MEGF11: variants seen among roughly 807,000 people sequenced by gnomAD.
The protein encoded by MEGF11 is multiple EGF like domains 11.
Under a neutral mutation model 146.6 loss-of-function variants are expected in MEGF11, and 126 were observed. That is an observed-to-expected ratio of 0.86 (90% confidence interval 0.74 to 1.00). The LOEUF is 1.00. MEGF11 is among the 50% of genes least tolerant of loss of function. The probability of loss-of-function intolerance (pLI) is 0.00; values close to 1 mark genes in which losing one functional copy is unlikely to be tolerated. For synonymous variants in MEGF11, 532 were observed against 583.4 expected (o/e 0.91, Z 1.27); for missense variants, 1,509 against 1,521.2 (o/e 0.99, Z 0.13).
At chr15:66,163,950 G>A (rs2090028087) in intron 1 of MEGF11, among the ~76,000 whole-genome samples, 1 of 152,162 alleles carries the variant, frequency 6.6e-6, no homozygotes, top group African/African-American at 2.4e-5. Flanking sequence ...GAAGAAGCAG[G>A]CCTAAATGTA....
chr15:65,959,804 G>A (rs1489587638), intron 9 of MEGF11, among the ~76,000 whole-genome samples: 1 of 152,178 alleles, frequency 6.6e-6, no homozygotes, highest in African/African-American at 2.4e-5. Context: ...AGGTATTTGA[G>A]CCTGTATTTC....
intron 1 of MEGF11, among the ~76,000 whole-genome samples, chr15:66,219,764 C>G (rs1477235116): frequency 6.6e-6 from 1 of 151,952 alleles, no homozygotes; most frequent in Non-Finnish European, 1.5e-5. Flanking sequence ...AGCATTTATC[C>G]CAGAGATAAT....
chr15:66,074,292 T>C (rs1371033618), intron 5 of MEGF11, among the ~76,000 whole-genome samples: 1 of 152,246 alleles, frequency 6.6e-6, no homozygotes, highest in Non-Finnish European at 1.5e-5. Context: ...CCTCTGCAAC[T>C]TGCTTTTTTC....
chr15:66,053,823 G>A (rs1287418458), intron 5 of MEGF11, among the ~76,000 whole-genome samples: 1 of 148,732 alleles, frequency 6.7e-6, no homozygotes, highest in African/African-American at 2.5e-5. Flanking sequence ...AACCTCCCTG[G>A]GCTCAGGTGA....
intron 10 of MEGF11, among the ~76,000 whole-genome samples, chr15:65,933,611 G>C (rs1596863293): frequency 6.6e-6 from 1 of 152,214 alleles, no homozygotes. Flanking sequence ...GGCTGAGATG[G>C]CTTTCTGCTT....
At position 66,185,672 on chromosome 15, in the gene MEGF11, G is replaced by A. The variant is rs1048572110; in HGVS notation, c.-8-57261C>T. Among the ~76,000 whole-genome samples the A allele has an allele frequency of 3.9e-5, 6 of 152,282 alleles. No individual in the cohort carries two copies. The East Asian group carries it at 5.8e-4, about 15-fold the overall frequency. ...ACCCCAAAGTGTGGGGAGGTGGTAG[G>A]GGAGGTGTCAGGCAGCAGCGACATC... On this transcript the variant is annotated intron_variant, in intron 1 of 25. Coordinates refer to ENST00000395614, the MANE Select transcript of MEGF11 (RefSeq NM_001385028.1).
At chr15:66,031,818 G>A (rs551917587) in intron 5 of MEGF11, among the ~76,000 whole-genome samples, 15 of 152,308 alleles carry the variant, frequency 9.8e-5, no homozygotes, top group African/African-American at 2.9e-4. Context: ...CTCTGCCCTC[G>A]TGAATGGATT....
At chr15:66,134,771 G>A (rs1293082781) in intron 1 of MEGF11, among the ~76,000 whole-genome samples, 5 of 152,282 alleles carry the variant, frequency 3.3e-5, no homozygotes, top group African/African-American at 9.6e-5. Flanking sequence ...AGCCTCTCAC[G>A]GGAGCTGAGC....
At chr15:66,137,247 CA>C (rs1423538775) in intron 1 of MEGF11, among the ~76,000 whole-genome samples, 3 of 152,266 alleles carry the variant, frequency 2.0e-5, no homozygotes, top group African/African-American at 7.2e-5. Context: ...CTTTCTAAGT[CA>C]AACATTTTTG....
Position 65,929,779 on chromosome 15 carries a change from C to T in MEGF11, c.1513G>A (p.Asp505Asn). 1.3e-6 allele frequency: 2 copies of T among 1,559,296 alleles called. No homozygotes were observed. Among genetic ancestry groups the T allele is most frequent in the East Asian group, 4.8e-5 (2 of 41,366 alleles). Residue 505 changes from aspartate to asparagine, a missense_variant, in exon 12 of 26, where the codon GAC becomes AAC. Coordinates refer to ENST00000395614, the MANE Select transcript of MEGF11 (RefSeq NM_001385028.1). ...CCAGGAGTGCAGGAGCAGGAGCCGT[C>T]TATGGGGCTGCAGGCTGCCCCATTG... is the stretch of plus-strand genomic sequence containing the variant. ...CANGAACSPI[D>N]GSCSCTPGWL... is the part of the protein sequence containing the mutation.
At chr15:65,905,624 T>C (rs1389566985) in intron 24 of MEGF11, 1 of 152,776 alleles carries the variant, frequency 6.5e-6, no homozygotes, top group Non-Finnish European at 1.5e-5. Context: ...CTCTTGAGGT[T>C]GGAGTGCCAT....
At chr15:66,080,141 G>A (rs1334216100) in intron 5 of MEGF11, among the ~76,000 whole-genome samples, 3 of 152,142 alleles carry the variant, frequency 2.0e-5, no homozygotes, top group African/African-American at 4.8e-5. Flanking sequence ...CCTCCCCTGC[G>A]GCCCACAGCC....
chr15:66,072,211 C>T (rs1273384144), intron 5 of MEGF11, among the ~76,000 whole-genome samples: 2 of 152,208 alleles, frequency 1.3e-5, no homozygotes, highest in African/African-American at 2.4e-5. Flanking sequence ...CAATTGTCCC[C>T]TGAGTGTAAA....
At chr15:66,079,543 C>T (rs566789456) in intron 5 of MEGF11, among the ~76,000 whole-genome samples, 8 of 145,210 alleles carry the variant, frequency 5.5e-5, no homozygotes, top group Non-Finnish European at 1.2e-4. Context: ...TCACACCCCC[C>T]CCCCCAGCAC....
chr15:66,126,640 C>T (rs1336455590), intron 2 of MEGF11, among the ~76,000 whole-genome samples: 1 of 152,164 alleles, frequency 6.6e-6, no homozygotes, highest in Non-Finnish European at 1.5e-5. Context: ...AGGTGAGCAG[C>T]TGCAAAGGAG....
Position 66,152,932 on chromosome 15 carries a change from G to A in MEGF11, c.-8-24521C>T, listed in dbSNP as rs1462939485. Among the ~76,000 whole-genome samples the A allele has an allele frequency of 2.0e-5, 3 of 152,210 alleles. No individual in the cohort carries two copies. In the East Asian group the frequency reaches 5.8e-4, roughly 29 times the overall value. ...CCGCTTGCTCACATGCAGCCCTCCT[G>A]GGCCTTGTGTGTACTGCCATGCCGG... On this transcript the variant is annotated intron_variant, in intron 1 of 25. Coordinates refer to ENST00000395614, the MANE Select transcript of MEGF11 (RefSeq NM_001385028.1).
At chr15:66,182,842 A>G (rs964864010) in intron 1 of MEGF11, among the ~76,000 whole-genome samples, 1 of 152,218 alleles carries the variant, frequency 6.6e-6, no homozygotes, top group Non-Finnish European at 1.5e-5. Context: ...TTACTAAGAC[A>G]CAGACTCAGG....
At chr15:66,169,766 T>A (rs1474821036) in intron 1 of MEGF11, among the ~76,000 whole-genome samples, 1 of 152,172 alleles carries the variant, frequency 6.6e-6, no homozygotes, top group Non-Finnish European at 1.5e-5. Flanking sequence ...CCCCGGGTGG[T>A]TGGGTGAGAC....
chr15:65,965,942 C>G (rs1388072702), intron 8 of MEGF11, among the ~76,000 whole-genome samples: 4 of 152,300 alleles, frequency 2.6e-5, no homozygotes, highest in South Asian at 4.2e-4. Context: ...ATGTTTCCGT[C>G]TTCCCAAACT....
Sources: allele counts gnomAD v4.1 joint callset (sites outside exome capture counted in the v4.1 genomes callset), GRCh38; gene constraint gnomAD v4.1.1; transcripts MANE v1.5; gene names NCBI Gene and HGNC (gene_info 2026-07-23, HGNC 2026-07-21).